The following SLC4A10 variants were observed in gnomAD, a reference collection of about 807,000 sequenced individuals.
The protein encoded by SLC4A10 is solute carrier family 4 member 10.
A neutral mutation model predicts 137.7 loss-of-function variants in SLC4A10; 42 were observed. That is an observed-to-expected ratio of 0.30 (90% confidence interval 0.24 to 0.39). The LOEUF is 0.39. Ranked by LOEUF, SLC4A10 falls within the 10% of genes least tolerant of loss-of-function variation. SLC4A10 has a pLI of 1.00. For missense variants in SLC4A10, 925 were observed against 1,355.0 expected, an observed-to-expected ratio of 0.68 and a Z score of 4.98; for synonymous variants, 474 against 464.1, an observed-to-expected ratio of 1.02 and a Z score of -0.27.
intron 1 of SLC4A10, among the ~76,000 whole-genome samples, chr2:161,653,836 T>C (rs2037151296): frequency 6.6e-6 from 1 of 152,244 alleles, no homozygotes. Flanking sequence ...CTGTGAATAA[T>C]GCTACAATTA....
intron 23 of SLC4A10, among the ~76,000 whole-genome samples, chr2:161,972,091 T>C (rs1344772282): frequency 6.6e-6 from 1 of 152,232 alleles, no homozygotes; most frequent in African/African-American, 2.4e-5. Context: ...TTACTCTTTC[T>C]TAAACCATTC....
intron 2 of SLC4A10, among the ~76,000 whole-genome samples, chr2:161,788,348 A>G (rs1258512455): frequency 6.6e-6 from 1 of 151,694 alleles, no homozygotes; most frequent in Non-Finnish European, 1.5e-5. Flanking sequence ...TAGGTTTTTT[A>G]TTTGGTGGTG....
intron 3 of SLC4A10, among the ~76,000 whole-genome samples, chr2:161,807,274 G>C (rs1192170394): frequency 1.3e-5 from 2 of 152,104 alleles, no homozygotes; most frequent in Admixed American, 6.6e-5. Context: ...TTTTACTATT[G>C]TGAATGCTCT....
At chr2:161,863,971 G>A (rs902762089) in intron 6 of SLC4A10, among the ~76,000 whole-genome samples, 6 of 152,150 alleles carry the variant, frequency 3.9e-5, no homozygotes, top group Non-Finnish European at 8.8e-5. Flanking sequence ...GGAGGCCGAG[G>A]CGGGCGGATC....
At chr2:161,662,983 G>A (rs2038618218) in intron 1 of SLC4A10, among the ~76,000 whole-genome samples, 1 of 152,130 alleles carries the variant, frequency 6.6e-6, no homozygotes. Context: ...GGCAGTTTTG[G>A]TTGTGTGTAT....
chr2:161,762,185 T>C (rs2050316767), intron 1 of SLC4A10, among the ~76,000 whole-genome samples: 1 of 152,128 alleles, frequency 6.6e-6, no homozygotes. Context: ...TTTTATATGA[T>C]TTACTTAATG....
chr2:161,876,424 A>G (rs2061450869), intron 8 of SLC4A10, among the ~76,000 whole-genome samples: 1 of 152,128 alleles, frequency 6.6e-6, no homozygotes, highest in African/African-American at 2.4e-5. Context: ...GACACCTGTA[A>G]TCCCAGCATT....
chr2:161,705,042 C>T (rs1037950428), intron 1 of SLC4A10, among the ~76,000 whole-genome samples: 1 of 151,518 alleles, frequency 6.6e-6, no homozygotes, highest in South Asian at 2.1e-4. Context: ...GTATTTGAAG[C>T]AAGTCACTTT....
intron 1 of SLC4A10, among the ~76,000 whole-genome samples, chr2:161,731,302 G>A (rs1451862868): frequency 6.6e-6 from 1 of 151,986 alleles, no homozygotes; most frequent in Non-Finnish European, 1.5e-5. Context: ...TTGTTAAAAT[G>A]TTATATTTAG....
At chr2:161,803,833 A>G (rs1271482227) in intron 2 of SLC4A10, among the ~76,000 whole-genome samples, 1 of 152,186 alleles carries the variant, frequency 6.6e-6, no homozygotes, top group Non-Finnish European at 1.5e-5. Flanking sequence ...CTATGATAAA[A>G]TTTAATTTAT....
At chr2:161,896,937 G>T (rs373829411) in intron 11 of SLC4A10, among the ~76,000 whole-genome samples, 1 of 151,854 alleles carries the variant, frequency 6.6e-6, no homozygotes, top group Non-Finnish European at 1.5e-5. Flanking sequence ...AAGAGAAAGC[G>T]CATTACTGTC....
chr2:161,890,581 A>T (rs1477146131), intron 10 of SLC4A10, among the ~76,000 whole-genome samples: 1 of 152,098 alleles, frequency 6.6e-6, no homozygotes, highest in South Asian at 2.1e-4. Flanking sequence ...GTTGGTTTAA[A>T]GCCTGTTTTA....
intron 2 of SLC4A10, among the ~76,000 whole-genome samples, chr2:161,779,308 C>A (rs531557973): frequency 6.6e-6 from 1 of 151,946 alleles, no homozygotes; most frequent in East Asian, 1.9e-4. Flanking sequence ...TCCCACTAGG[C>A]TCCACCTCCC....
intron 3 of SLC4A10, among the ~76,000 whole-genome samples, chr2:161,828,206 C>T (rs1365419575): frequency 1.3e-5 from 2 of 152,166 alleles, no homozygotes; most frequent in African/African-American, 4.8e-5. Context: ...GACTTGTGCT[C>T]ATTACATGAT....
chr2:161,819,888 T>A (rs1490811559), intron 3 of SLC4A10, among the ~76,000 whole-genome samples: 1 of 152,174 alleles, frequency 6.6e-6, no homozygotes, highest in East Asian at 1.9e-4. Flanking sequence ...TTTAAATTGG[T>A]AAGTTTGAAG....
At chr2:161,723,893 T>G (rs2045950028) in intron 1 of SLC4A10, among the ~76,000 whole-genome samples, 1 of 152,238 alleles carries the variant, frequency 6.6e-6, no homozygotes, top group African/African-American at 2.4e-5. Flanking sequence ...AACCTCTGTT[T>G]AGTGTTGTAG....
chr2:161,868,150 A>G (rs759196349), intron 6 of SLC4A10, among the ~76,000 whole-genome samples: 20 of 151,962 alleles, frequency 1.3e-4, no homozygotes, highest in Admixed American at 8.5e-4. Flanking sequence ...ATATGTGCAT[A>G]CTTAAAGAAG....
At chr2:161,827,084 G>A (rs2058062517) in intron 3 of SLC4A10, among the ~76,000 whole-genome samples, 1 of 152,128 alleles carries the variant, frequency 6.6e-6, no homozygotes, top group African/African-American at 2.4e-5. Context: ...AAATGTTTGT[G>A]TAATGTATTA....
chr2:161,939,760 A>G (rs1692331152), intron 15 of SLC4A10, among the ~76,000 whole-genome samples: 1 of 152,090 alleles, frequency 6.6e-6, no homozygotes, highest in Non-Finnish European at 1.5e-5. Flanking sequence ...AATTCTGTAA[A>G]TTTTAGATTT....
Sources: allele counts gnomAD v4.1 joint callset (sites outside exome capture counted in the v4.1 genomes callset), GRCh38; gene constraint gnomAD v4.1.1; transcripts MANE v1.5; gene names NCBI Gene and HGNC (gene_info 2026-07-23, HGNC 2026-07-21).